The following MEGF10 variants were observed in gnomAD, a reference collection of about 807,000 sequenced individuals.
MEGF10 encodes multiple EGF like domains 10.
Under a neutral mutation model 147.5 loss-of-function variants are expected in MEGF10, and 86 were observed. That is an observed-to-expected ratio of 0.58 (90% CI 0.49 to 0.70). The LOEUF (loss-of-function observed/expected upper bound fraction) is 0.70. Ranked by LOEUF, MEGF10 falls within the 30% of genes least tolerant of loss-of-function variation. The pLI is 0.00. For synonymous variants in MEGF10, 478 were observed against 525.5 expected (o/e 0.91, Z 1.24); for missense variants, 1,329 against 1,487.3 (o/e 0.89, Z 1.75).
In MEGF10 at chr5:127,380,705, G is replaced by C. The variant is rs551867596; in HGVS notation, c.412+10703G>C. 3.9e-5 allele frequency among the ~76,000 whole-genome samples: 6 copies of C among 152,092 alleles called. No homozygotes were observed. In the East Asian group the frequency reaches 9.7e-4, roughly 25 times the overall value. ...GCTAACTTTTTATATTTTTAGTAGAGGCATGGTTTCACCATGTTGGCCAGT... is the reference window on the plus strand; with the variant it reads ...GCTAACTTTTTATATTTTTAGTAGACGCATGGTTTCACCATGTTGGCCAGT... On this transcript the variant is annotated intron_variant, in intron 5 of 24. Transcript: ENST00000503335.
chr5:127,349,982 AT>A (rs1290221990), intron 4 of MEGF10, among the ~76,000 whole-genome samples: 1 of 152,196 alleles, frequency 6.6e-6, no homozygotes, highest in African/African-American at 2.4e-5. Context: ...AGAATTATGT[AT>A]TCTTTTAATA....
chr5:127,435,627 C>A, intron 16 of MEGF10, 138 bp downstream of exon 16: 7 of 852,984 alleles, frequency 8.2e-6, no homozygotes, highest in Admixed American at 4.0e-5. Context: ...ACTTTAAATT[C>A]TTTTTTTAAA....
rs202151825 is a variant in MEGF10 at position 127,440,770 on chromosome 5, T to C, written c.2265T>C (p.Cys755=). The part of the protein sequence containing the change: ...RCPLGFYGKD[C]ALICQCQNGA... ...CTCTAGGGTTTTATGGAAAAGATTG[T>C]GCACTGATATGCCAATGTCAAAACG... The change falls in exon 18 of 25, where the codon TGT becomes TGC. Residue 755 remains cysteine, a synonymous_variant. Transcript: ENST00000503335. 14 of 1,614,156 alleles carry C rather than the reference T, an allele frequency of 8.7e-6. No individual in the cohort carries two copies. In the East Asian group the frequency reaches 2.9e-4, roughly 33 times the overall value.
At chr5:127,407,596 T>A (rs1764382791) in intron 8 of MEGF10, among the ~76,000 whole-genome samples, 1 of 152,216 alleles carries the variant, frequency 6.6e-6, no homozygotes, top group African/African-American at 2.4e-5. Context: ...TGATATTTAT[T>A]GCTATATCTT....
At chr5:127,443,257 C>A in intron 19 of MEGF10, 131 bp downstream of exon 19, 1 of 988,762 alleles carries the variant, frequency 1.0e-6, no homozygotes, top group Non-Finnish European at 1.4e-6. Flanking sequence ...TAATTGGTTA[C>A]TTATTTAATT....
At chr5:127,332,352 T>G (rs1399920711) in intron 2 of MEGF10, among the ~76,000 whole-genome samples, 1 of 152,186 alleles carries the variant, frequency 6.6e-6, no homozygotes, top group Admixed American at 6.6e-5. Flanking sequence ...TTTTAATAGC[T>G]GTAAGTACAA....
At chr5:127,317,819 G>A (rs1390077273) in intron 1 of MEGF10, among the ~76,000 whole-genome samples, 1 of 152,126 alleles carries the variant, frequency 6.6e-6, no homozygotes, top group Non-Finnish European at 1.5e-5. Flanking sequence ...GTTAATGGGT[G>A]CAGCAAACCA....
chr5:127,277,830 T>A, the MEGF10 span, among the ~76,000 whole-genome samples: 2 of 152,122 alleles, frequency 1.3e-5, no homozygotes, highest in Non-Finnish European at 2.9e-5. Flanking sequence ...GTTTTTGATA[T>A]AAGCAAATGA....
At chr5:127,252,901 T>C in the MEGF10 span, among the ~76,000 whole-genome samples, 1 of 151,850 alleles carries the variant, frequency 6.6e-6, no homozygotes, top group South Asian at 2.1e-4. Flanking sequence ...CGCAAAGACA[T>C]GAATTTTTTT....
chr5:127,342,440 T>C lies in MEGF10; in HGVS notation c.319+1810T>C, dbSNP rs144446797. On this transcript the variant is annotated intron_variant, in intron 4 of 24. Coordinates refer to ENST00000503335, the MANE Select transcript of MEGF10 (RefSeq NM_001256545.2). ...GCCAGGATGCTATTTTCCTAACTCATACAAAACTTGGAAAGGTGCTTGTGC... is the reference window on the plus strand; with the variant it reads ...GCCAGGATGCTATTTTCCTAACTCACACAAAACTTGGAAAGGTGCTTGTGC... Among the ~76,000 whole-genome samples the C allele has an allele frequency of 3.9e-5, 6 of 152,260 alleles. No individual in the cohort carries two copies. The East Asian group carries it at 1.2e-3, about 29-fold the overall frequency.
At chr5:127,357,957 G>C (rs1476909902) in intron 4 of MEGF10, among the ~76,000 whole-genome samples, 1 of 152,152 alleles carries the variant, frequency 6.6e-6, no homozygotes, top group Non-Finnish European at 1.5e-5. Flanking sequence ...ATTTGTAATA[G>C]TTCTTTAATT....
At chr5:127,425,168 C>T (rs1028946902) in intron 13 of MEGF10, among the ~76,000 whole-genome samples, 1 of 152,212 alleles carries the variant, frequency 6.6e-6, no homozygotes, top group African/African-American at 2.4e-5. Flanking sequence ...TGGCCTGAAG[C>T]CAGCCGGAAA....
At chr5:127,390,443 G>C (rs11953024) in intron 5 of MEGF10, among the ~76,000 whole-genome samples, 26,257 of 151,880 alleles carry the variant, frequency 0.17, 2,457 homozygotes, top group African/African-American at 0.25. Context: ...GTGCAAGCCA[G>C]CACGCTGGGC....
intron 4 of MEGF10, among the ~76,000 whole-genome samples, chr5:127,368,092 C>G (rs1266444585): frequency 6.6e-6 from 1 of 152,148 alleles, no homozygotes; most frequent in African/African-American, 2.4e-5. Flanking sequence ...TCTACAAGTT[C>G]AAACACATAC....
intron 1 of MEGF10, among the ~76,000 whole-genome samples, chr5:127,303,982 G>GT (rs1211576543): frequency 1.3e-5 from 2 of 152,166 alleles, no homozygotes; most frequent in African/African-American, 4.8e-5. Context: ...GGGCTTTCTT[G>GT]TTTTTTGTAT....
chr5:127,270,918 G>T, the MEGF10 span, among the ~76,000 whole-genome samples: 1 of 152,198 alleles, frequency 6.6e-6, no homozygotes, highest in Non-Finnish European at 1.5e-5. Flanking sequence ...TTTCATGGCT[G>T]TATAGTATTC....
chr5:127,351,837 T>C (rs1352242696), intron 4 of MEGF10, among the ~76,000 whole-genome samples: 1 of 152,196 alleles, frequency 6.6e-6, no homozygotes, highest in Non-Finnish European at 1.5e-5. Context: ...AACATAGCCA[T>C]GAGACTTGCA....
intron 9 of MEGF10, among the ~76,000 whole-genome samples, chr5:127,414,863 T>A (rs994283615): frequency 1.3e-5 from 2 of 152,034 alleles, no homozygotes; most frequent in African/African-American, 2.4e-5. Context: ...AATTATAGAT[T>A]GTGAAAAGTG....
chr5:127,298,911 A>G (rs1175889709), intron 1 of MEGF10, among the ~76,000 whole-genome samples: 1 of 152,182 alleles, frequency 6.6e-6, no homozygotes, highest in African/African-American at 2.4e-5. Context: ...AATCAGAGAG[A>G]CAAAGAAAGG....
Sources: gnomAD v4.1 joint callset for allele counts (sites outside exome capture counted in the v4.1 genomes callset) on GRCh38, gnomAD v4.1.1 for gene constraint, MANE v1.5 for transcripts, NCBI Gene and HGNC (gene_info 2026-07-23, HGNC 2026-07-21) for gene names.